TMEM255B: variants seen among roughly 807,000 people sequenced by gnomAD.
TMEM255B encodes transmembrane protein 255B, also known as family with sequence similarity 70, member B.
In TMEM255B, 35 loss-of-function variants were observed where a neutral mutation model predicts 34.5. The ratio of observed to expected loss-of-function variants is 1.01; its 90% CI spans 0.77 to 1.34. The LOEUF (loss-of-function observed/expected upper bound fraction) is 1.34, where lower values mean the gene tolerates loss of function less well. Ranked by LOEUF, TMEM255B falls within the 40% of genes most tolerant of loss-of-function variation. The probability of loss-of-function intolerance (pLI) is 0.00; values close to 1 mark genes in which losing one functional copy is unlikely to be tolerated. For missense variants in TMEM255B, 432 were observed against 433.2 expected (o/e 1.00, Z 0.02); for synonymous variants, 206 against 201.2 (o/e 1.02, Z -0.20).
At chr13:113,764,273 C>G (rs960107875) in intron 1 of TMEM255B, among the ~76,000 whole-genome samples, 20 of 152,306 alleles carry the variant, frequency 1.3e-4, no homozygotes, top group Non-Finnish European at 2.1e-4. Flanking sequence ...CGCCCCTGCA[C>G]CCACCTGCTT....
At chr13:113,796,380 TCACACCACACAGAGCACACACCTCA>T (rs2050937339) in intron 4 of TMEM255B, among the ~76,000 whole-genome samples, 3 of 50,922 alleles carry the variant, frequency 5.9e-5, no homozygotes, top group African/African-American at 1.9e-4. Context: ...AGTACACACC[TCACACCACACAGAGCACACACCTCA>T]CACACCACAC....
intron 3 of TMEM255B, among the ~76,000 whole-genome samples, chr13:113,787,858 T>A (rs1051161676): frequency 1.3e-5 from 2 of 150,094 alleles, no homozygotes. Context: ...TTGGGCTTGG[T>A]GACCCAGGAA....
At chr13:113,801,274 G>C (rs566647515) in intron 6 of TMEM255B, among the ~76,000 whole-genome samples, 1 of 152,352 alleles carries the variant, frequency 6.6e-6, no homozygotes, top group Non-Finnish European at 1.5e-5. Context: ...ACCTGGCCTG[G>C]CCTCTGAGGC....
At chr13:113,791,946 C>T (rs11618448) in intron 3 of TMEM255B, among the ~76,000 whole-genome samples, 17,898 of 152,262 alleles carry the variant, frequency 0.12, 1,187 homozygotes, top group Middle Eastern at 0.2. Flanking sequence ...GGCACGCAGC[C>T]CCCTGATCCA....
At chr13:113,805,536 G>C (rs9577885) in intron 8 of TMEM255B, among the ~76,000 whole-genome samples, 12,183 of 152,276 alleles carry the variant, frequency 0.08, 524 homozygotes, top group Admixed American at 0.13. Context: ...CTGCCTGCCT[G>C]TCCGATTTCC....
At chr13:113,761,121 G>A in intron 1 of TMEM255B, 1 of 927,092 alleles carries the variant, frequency 1.1e-6, no homozygotes, top group Non-Finnish European at 1.3e-6. Context: ...GTTTTACCTG[G>A]GATTGTTACT....
At chr13:113,799,789 C>T (rs778418686) in intron 5 of TMEM255B, 39 of 654,178 alleles carry the variant, frequency 6.0e-5, no homozygotes, top group Admixed American at 1.7e-4. Flanking sequence ...CCACCGACAG[C>T]GGCAGTGTGA....
chr13:113,791,672 A>G (rs1341353019), intron 3 of TMEM255B, among the ~76,000 whole-genome samples: 2 of 152,228 alleles, frequency 1.3e-5, no homozygotes, highest in Non-Finnish European at 2.9e-5. Flanking sequence ...AATTGTGATG[A>G]TGATGTCACA....
intron 8 of TMEM255B, among the ~76,000 whole-genome samples, chr13:113,808,039 T>C (rs921358646): frequency 4.6e-5 from 7 of 152,198 alleles, no homozygotes; most frequent in Non-Finnish European, 1.0e-4. Flanking sequence ...GAGCTTAATA[T>C]ACGCACGCTG....
intron 1 of TMEM255B, among the ~76,000 whole-genome samples, chr13:113,764,923 C>G (rs540350487): frequency 6.6e-6 from 1 of 152,194 alleles, no homozygotes; most frequent in Non-Finnish European, 1.5e-5. Context: ...AAACCACTGC[C>G]TGCGGCCTGG....
At chr13:113,808,071 C>T (rs1411827001) in intron 8 of TMEM255B, among the ~76,000 whole-genome samples, 1 of 152,136 alleles carries the variant, frequency 6.6e-6, no homozygotes, top group African/African-American at 2.4e-5. Flanking sequence ...TCAGAGATGG[C>T]AAATCAGATG....
intron 1 of TMEM255B, among the ~76,000 whole-genome samples, chr13:113,762,952 T>C (rs1475945943): frequency 6.6e-6 from 1 of 152,254 alleles, no homozygotes; most frequent in African/African-American, 2.4e-5. Flanking sequence ...TTTTCTCAAA[T>C]ACTTAGTCCC....
At chr13:113,762,124 GA>G (rs2050319269) in intron 1 of TMEM255B, among the ~76,000 whole-genome samples, 1 of 147,414 alleles carries the variant, frequency 6.8e-6, no homozygotes, top group Non-Finnish European at 1.5e-5. Context: ...AAAAATCAAG[GA>G]AATTATTCAG....
intron 3 of TMEM255B, among the ~76,000 whole-genome samples, chr13:113,781,940 T>C (rs1032984004): frequency 1.3e-5 from 2 of 152,224 alleles, no homozygotes; most frequent in Non-Finnish European, 2.9e-5. Flanking sequence ...CTTTAATACC[T>C]TTTTGCATAG....
At position 113,806,114 on chromosome 13, in the gene TMEM255B, A is replaced by G. The variant is rs779340996; in HGVS notation, c.813+1086A>G. Reference sequence around the variant, plus strand: ...ACGTTGTCAGGAAAAGATCTTCCTTAGAGGGACATCCGGGGGAGGCCTGTG... The same window carrying G: ...ACGTTGTCAGGAAAAGATCTTCCTTGGAGGGACATCCGGGGGAGGCCTGTG... On this transcript the variant is annotated intron_variant, in intron 8 of 8. Coordinates refer to ENST00000375353, the MANE Select transcript of TMEM255B (RefSeq NM_182614.4). The surrounding 1 kb of genome is among the most constrained non-coding windows in gnomAD (Gnocchi z 4.2). Among the ~76,000 whole-genome samples the G allele has an allele frequency of 3.9e-5, 6 of 152,212 alleles. No homozygotes were observed. The highest frequency in any genetic ancestry group is 7.4e-5 in the Non-Finnish European group (5 of 68,022).
At chr13:113,802,883 C>G (rs1473495406) in intron 7 of TMEM255B, among the ~76,000 whole-genome samples, 3 of 148,300 alleles carry the variant, frequency 2.0e-5, no homozygotes, top group African/African-American at 7.4e-5. Flanking sequence ...GGTCCTTGCT[C>G]TGTGGTGACA....
chr13:113,777,639 A>G (rs1215672638), intron 3 of TMEM255B, among the ~76,000 whole-genome samples: 1 of 152,236 alleles, frequency 6.6e-6, no homozygotes, highest in Non-Finnish European at 1.5e-5. Context: ...GCCCGGGTCC[A>G]CCAGGCTTTG....
intron 3 of TMEM255B, among the ~76,000 whole-genome samples, chr13:113,785,979 C>T (rs896385315): frequency 2.0e-5 from 3 of 152,212 alleles, no homozygotes; most frequent in African/African-American, 7.2e-5. Context: ...CAGTCTCCCA[C>T]TTCGTGTTTC....
At position 113,795,216 on chromosome 13, in the gene TMEM255B, C is replaced by T. The variant is rs2050900105; in HGVS notation, c.321C>T (p.Gly107=). 3.7e-6 allele frequency: 6 copies of T among 1,613,612 alleles called. No homozygotes were observed. The highest frequency in any genetic ancestry group is 1.6e-4 in the Middle Eastern group (1 of 6,080). ...VAAFCCAIVD[G]VFAAQHIEPR... is the part of the protein sequence containing the mutation. ...CCTTCTGCTGCGCCATCGTGGACGG[C>T]GTATTTGCAGCACAGCACATTGTGA... The change falls in exon 4 of 9, where the codon GGC becomes GGT. Residue 107 remains glycine (G), a synonymous_variant. Transcript: ENST00000375353.
Sources: gnomAD v4.1 joint callset for allele counts (sites outside exome capture counted in the v4.1 genomes callset) on GRCh38, gnomAD v4.1.1 for gene constraint, Gnocchi (gnomAD v3.1) non-coding constraint, MANE v1.5 for transcripts, NCBI Gene and HGNC (gene_info 2026-07-23, HGNC 2026-07-21) for gene names.